SEZ6: variants seen among roughly 807,000 people sequenced by gnomAD.
SEZ6 encodes the protein seizure protein 6 homolog.
Under a neutral mutation model 101.0 loss-of-function variants are expected in SEZ6, and 53 were observed. The observed-to-expected ratio is 0.52, with a 90% CI of 0.42 to 0.66. The LOEUF (loss-of-function observed/expected upper bound fraction) is 0.66, where lower values mean the gene tolerates loss of function less well. SEZ6 is among the 30% of genes least tolerant of loss of function. The pLI, the probability that SEZ6 is intolerant of heterozygous loss-of-function variation, is 0.00. For missense variants in SEZ6, 1,102 were observed against 1,289.4 expected (o/e 0.85, Z 2.23); for synonymous variants, 488 against 512.2 (o/e 0.95, Z 0.64).
intron 1 of SEZ6, among the ~76,000 whole-genome samples, chr17:28,985,992 G>A (rs564263183): frequency 9.9e-5 from 15 of 152,112 alleles, no homozygotes; most frequent in East Asian, 1.9e-4. Context: ...GGCTGGGTCC[G>A]GGAAACACCC....
Position 28,959,145 on chromosome 17 carries a change from A to C in SEZ6, c.1987T>G (p.Ser663Ala). The C allele has an allele frequency of 6.2e-7, 1 of 1,613,882 alleles. No individual in the cohort carries two copies. The highest frequency in any genetic ancestry group is 8.5e-7 in the Non-Finnish European group (1 of 1,179,840). The change falls in exon 10 of 17, where the codon TCA becomes GCA. Residue 663 changes from serine to alanine, a missense_variant. Ser to Ala is a moderately conservative substitution (Grantham distance 99). Transcript: ENST00000317338. The surrounding 1 kb of genome is among the most constrained non-coding windows in gnomAD (Gnocchi z 4.4). Reference sequence around the variant, plus strand: ...AGCTTGAAGTGGCTACGGGGCCCTGAGTACTGGCCCAGAACCCGGGCCGTC... The same window carrying C: ...AGCTTGAAGTGGCTACGGGGCCCTGCGTACTGGCCCAGAACCCGGGCCGTC... ...DLTARVLGQY[S>A]GPRSHFKLFT... is the part of the protein sequence containing the mutation.
At chr17:28,988,629 C>T (rs2041416007) in intron 1 of SEZ6, among the ~76,000 whole-genome samples, 1 of 152,244 alleles carries the variant, frequency 6.6e-6, no homozygotes, top group African/African-American at 2.4e-5. Flanking sequence ...CTCTCTTCCC[C>T]TGCCACTGAT....
In SEZ6 at chr17:28,958,895, T is replaced by C. The variant is rs560049741; in HGVS notation, c.2107+130A>G. The C allele has an allele frequency of 1.0e-5, 11 of 1,050,458 alleles. No individual in the cohort carries two copies. In the South Asian group the frequency reaches 1.6e-4, roughly 15 times the overall value. The allele number at this position is 1,050,458 out of a possible 1,614,324, so 65.1% of individuals were successfully genotyped here. ...CAGATGGAGAACAGGACTAGCTTCCTCCAGGTGATCCCTGGTGCTTTTCCA... is the reference window on the plus strand; with the variant it reads ...CAGATGGAGAACAGGACTAGCTTCCCCCAGGTGATCCCTGGTGCTTTTCCA... On this transcript the variant is annotated intron_variant, in intron 10 of 16. Coordinates refer to ENST00000317338, the MANE Select transcript of SEZ6 (RefSeq NM_178860.5).
intron 1 of SEZ6, among the ~76,000 whole-genome samples, chr17:28,997,333 A>G (rs1281169368): frequency 6.6e-6 from 1 of 152,194 alleles, no homozygotes; most frequent in East Asian, 1.9e-4. Context: ...CTAACCAGCC[A>G]GAAAATAGGG....
rs760461187 is a variant in SEZ6, at chr17:28,959,427, G to A, written c.1817C>T (p.Ser606Phe). Residue 606 changes from serine (S) to phenylalanine (F), a missense_variant, in exon 9 of 17, where the codon TCT becomes TTT. This residue lies in a region of SEZ6 where 556 missense variants were observed against 735.1 expected (regional missense o/e 0.76). Transcript: ENST00000317338. The surrounding 1 kb of genome is among the most constrained non-coding windows in gnomAD (Gnocchi z 4.4). ...EITDSAGVVL[S>F]PNWPEPYGRG... ...ACCGTAGGGCTCTGGCCAGTTGGGA[G>A]AGAGTACCACGCCAGCCGAGTCTGT... 1 of 1,613,832 alleles carries A rather than the reference G, an allele frequency of 6.2e-7. No individual in the cohort carries two copies. The highest frequency in any genetic ancestry group is 1.1e-5 in the South Asian group (1 of 91,088).
upstream of SEZ6, chr17:29,006,036 C>T: frequency 2.0e-6 from 1 of 488,372 alleles, no homozygotes; most frequent in Non-Finnish European, 3.1e-6. Context: ...AGCACCACGG[C>T]CAGCGCCTGG....
intron 1 of SEZ6, among the ~76,000 whole-genome samples, chr17:28,992,004 T>TGCCTCA (rs2041468040): frequency 6.6e-6 from 1 of 152,190 alleles, no homozygotes. Flanking sequence ...GGCTTGCCCC[T>TGCCTCA]GCCTCACTGC....
In SEZ6 at chr17:28,969,883, G is replaced by T. The variant is rs756612094; in HGVS notation, c.928C>A (p.Pro310Thr). ...AGCAGGAAAGACTGGTTGGCCAGGG[G>T]CAGTGGGTCAGGCCCCCCCAGGCCT... ...VEGLGGPDPLPLANQSFLLRG... is the reference protein window; with the variant it reads ...VEGLGGPDPLTLANQSFLLRG... The change falls in exon 4 of 17, where the codon CCC (proline) becomes ACC (threonine). Residue 310 changes from proline (P) to threonine (T), a missense_variant. Around this residue, in one of 3 missense-constraint regions of SEZ6, gnomAD observed 406 missense variants for 418.6 expected, o/e 0.97. Transcript: ENST00000317338. 17 of 1,542,600 alleles carry T rather than the reference G, an allele frequency of 1.1e-5. No homozygotes were observed. The Admixed American group carries it at 1.8e-4, about 16-fold the overall frequency.
intron 3 of SEZ6, among the ~76,000 whole-genome samples, chr17:28,977,740 A>AG (rs1383879410): frequency 6.6e-6 from 1 of 151,970 alleles, no homozygotes; most frequent in African/African-American, 2.4e-5. Flanking sequence ...CCAGGCCTGT[A>AG]GGGGGGCACT....
At chr17:28,986,586 GC>G (rs2041387633) in intron 1 of SEZ6, among the ~76,000 whole-genome samples, 1 of 152,174 alleles carries the variant, frequency 6.6e-6, no homozygotes, top group African/African-American at 2.4e-5. Flanking sequence ...GTGCGGTGGA[GC>G]TGGAGTCATT....
intron 1 of SEZ6, 53 bp from the exon 2 acceptor site, chr17:28,982,092 TCA>T: frequency 6.6e-7 from 1 of 1,512,182 alleles, no homozygotes; most frequent in Non-Finnish European, 8.8e-7. Context: ...GAGAGCAGCA[TCA>T]CGCCCAACTC....
At chr17:28,960,051 GC>G (rs1450793010) in intron 7 of SEZ6, among the ~76,000 whole-genome samples, 159 bp from the exon 8 acceptor site, 2 of 152,166 alleles carry the variant, frequency 1.3e-5, no homozygotes, top group Non-Finnish European at 2.9e-5. Flanking sequence ...AGGAGGGACA[GC>G]CAAGAGCATC....
chr17:28,992,547 C>T (rs769128528), intron 1 of SEZ6, among the ~76,000 whole-genome samples: 9 of 152,220 alleles, frequency 5.9e-5, no homozygotes, highest in Non-Finnish European at 1.2e-4. Flanking sequence ...GGCCCTACCC[C>T]CCAAAAGAAG....
At chr17:28,983,532 G>A (rs1172553639) in intron 1 of SEZ6, among the ~76,000 whole-genome samples, 1 of 152,106 alleles carries the variant, frequency 6.6e-6, no homozygotes, top group African/African-American at 2.4e-5. Context: ...CTGGTCTGAG[G>A]TACAGATTGC....
chr17:28,959,324 A>G lies in SEZ6; in HGVS notation c.1910+10T>C, dbSNP rs1331883966. 6.2e-7 allele frequency: 1 copy of G among 1,613,982 alleles called. No individual in the cohort carries two copies. Among genetic ancestry groups the G allele is most frequent in the Non-Finnish European group, 8.5e-7 (1 of 1,179,872 alleles). ...AGGAGTTGGCTCGGCCTGACCCGGTAGGCACTCACACTCGGATGTCCAGCA... is the reference window on the plus strand; with the variant it reads ...AGGAGTTGGCTCGGCCTGACCCGGTGGGCACTCACACTCGGATGTCCAGCA... On this transcript the variant is annotated intron_variant, in intron 9 of 16. Coordinates refer to ENST00000317338, the MANE Select transcript of SEZ6 (RefSeq NM_178860.5). The surrounding 1 kb of genome is among the most constrained non-coding windows in gnomAD (Gnocchi z 4.4).
intron 4 of SEZ6, among the ~76,000 whole-genome samples, chr17:28,964,926 C>T (rs2041040561): frequency 6.6e-6 from 1 of 151,770 alleles, no homozygotes; most frequent in Non-Finnish European, 1.5e-5. Context: ...CATGGTGGCG[C>T]ATGCCTGTAA....
Position 28,959,765 on chromosome 17 carries a change from G to A in SEZ6, c.1704C>T (p.Gly568=), listed in dbSNP as rs376347264. The change falls in exon 8 of 17, where the codon GGC becomes GGT. Residue 568 remains glycine (G), a synonymous_variant. Transcript: ENST00000317338. This position sits in a 1 kb window ranked among gnomAD's most constrained non-coding sequence, Gnocchi z 4.4. ...GGTCAACACACTCGATGATGATGGAGCCCTGCTCCAGGGTGTAGCCAGGGT... is the reference window on the plus strand; with the variant it reads ...GGTCAACACACTCGATGATGATGGAACCCTGCTCCAGGGTGTAGCCAGGGT... The part of the protein sequence containing the change: ...SCDPGYTLEQ[G]SIIIECVDPH... The A allele has an allele frequency of 1.9e-6, 3 of 1,613,358 alleles. No homozygotes were observed. Among genetic ancestry groups the A allele is most frequent in the Non-Finnish European group, 2.5e-6 (3 of 1,179,580 alleles).
At chr17:28,989,856 T>A (rs762506647) in intron 1 of SEZ6, among the ~76,000 whole-genome samples, 1 of 152,088 alleles carries the variant, frequency 6.6e-6, no homozygotes, top group Non-Finnish European at 1.5e-5. Context: ...TCACCTGAGG[T>A]CAGGAGTTCG....
intron 1 of SEZ6, among the ~76,000 whole-genome samples, chr17:28,997,811 C>T (rs1400180074): frequency 6.6e-6 from 1 of 152,142 alleles, no homozygotes; most frequent in Admixed American, 6.6e-5. Context: ...GGGTGTGACA[C>T]AACTTGCCCA....
Sources: gnomAD v4.1 joint callset for allele counts (sites outside exome capture counted in the v4.1 genomes callset) on GRCh38, gnomAD v4.1.1 for gene constraint, gnomAD v4.1.1 regional missense constraint, Gnocchi (gnomAD v3.1) non-coding constraint, MANE v1.5 for transcripts, NCBI Gene and HGNC (gene_info 2026-07-23, HGNC 2026-07-21) for gene names.